DNAJB6: variants seen among roughly 807,000 people sequenced by gnomAD.
DNAJB6 encodes dnaJ homolog subfamily B member 6.
DNAJB6 carries 16 observed loss-of-function variants against 42.7 expected under a neutral mutation model. The observed-to-expected ratio is 0.37, with a 90% confidence interval of 0.25 to 0.57. The LOEUF (loss-of-function observed/expected upper bound fraction) is 0.57. Among genes scored for constraint, DNAJB6 ranks in the 20% least tolerant of loss-of-function variants. The pLI is 0.74. For missense variants in DNAJB6, 347 were observed against 416.8 expected (o/e 0.83, Z 1.46); for synonymous variants, 170 against 163.5 (o/e 1.04, Z -0.30).
At chr7:157,350,327 A>G (rs1798903636) in intron 1 of DNAJB6, among the ~76,000 whole-genome samples, 1 of 152,224 alleles carries the variant, frequency 6.6e-6, no homozygotes, top group African/African-American at 2.4e-5. Flanking sequence ...CTAGAGACAG[A>G]AAAACTTGCC....
chr7:157,340,858 G>A (rs1798324382), intron 1 of DNAJB6, among the ~76,000 whole-genome samples: 1 of 152,028 alleles, frequency 6.6e-6, no homozygotes, highest in South Asian at 2.1e-4. Flanking sequence ...TAGTAGAGAC[G>A]GTTTCACCAT....
intron 1 of DNAJB6, among the ~76,000 whole-genome samples, chr7:157,354,733 G>T (rs1438299196): frequency 6.6e-6 from 1 of 152,192 alleles, no homozygotes; most frequent in African/African-American, 2.4e-5. Flanking sequence ...AATGATGCTG[G>T]TGAAGATAAA....
intron 5 of DNAJB6, among the ~76,000 whole-genome samples, chr7:157,368,242 T>C (rs1034199507): frequency 4.6e-5 from 7 of 152,224 alleles, no homozygotes; most frequent in African/African-American, 1.7e-4. Context: ...TGTATGGCCT[T>C]AATTAACTTG....
chr7:157,415,914 CT>C, intron 9 of DNAJB6, 101 bp from the exon 10 acceptor site: 2 of 1,592,088 alleles, frequency 1.3e-6, no homozygotes, highest in Non-Finnish European at 1.7e-6. Flanking sequence ...CATTTTGTTG[CT>C]TTTTGTTCTT....
At chr7:157,401,399 G>A (rs1795513531) in intron 8 of DNAJB6, among the ~76,000 whole-genome samples, 1 of 152,054 alleles carries the variant, frequency 6.6e-6, no homozygotes. Flanking sequence ...ATTTTTAGTA[G>A]AGACGGGGTT....
intron 8 of DNAJB6, among the ~76,000 whole-genome samples, chr7:157,388,666 C>T (rs1301237409): frequency 1.3e-5 from 2 of 150,856 alleles, no homozygotes; most frequent in Admixed American, 6.6e-5. Flanking sequence ...TTTTTGGTGA[C>T]GTAGATGCAT....
chr7:157,401,312 G>A (rs1563148580), intron 8 of DNAJB6, among the ~76,000 whole-genome samples: 1 of 152,086 alleles, frequency 6.6e-6, no homozygotes, highest in African/African-American at 2.4e-5. Context: ...TCCACCTCCT[G>A]GGTTCAAGCA....
intron 5 of DNAJB6, chr7:157,378,280 T>C (rs1800572729): frequency 6.6e-6 from 1 of 152,238 alleles, no homozygotes; most frequent in South Asian, 2.1e-4. Flanking sequence ...GCACATTTGA[T>C]TAACACGTGT....
chr7:157,382,510 C>CT, intron 6 of DNAJB6, 133 bp downstream of exon 6: 6 of 988,440 alleles, frequency 6.1e-6, no homozygotes, highest in Middle Eastern at 3.5e-4. Flanking sequence ...GATTTGCCAG[C>CT]TTTTTTTGGT....
rs1371275919 is a variant in DNAJB6 at position 157,357,292 on chromosome 7, T to TTCCTTCCG, written c.-26-1248_-26-1247insGTCCTTCC. ...CTTCCTTCCGTCCTTCCTTCCGTCC[T>TTCCTTCCG]TCCTTCCTTCCTTCCTTCCTTCCTT... On this transcript the variant is annotated intron_variant, in intron 1 of 9. Coordinates refer to ENST00000262177, the MANE Select transcript of DNAJB6 (RefSeq NM_058246.4). Among the ~76,000 whole-genome samples, 436 of 58,534 alleles carry TTCCTTCCG rather than the reference T, an allele frequency of 7.4e-3. 20 individuals carry two copies. The highest frequency in any genetic ancestry group is 0.058 in the African/African-American group (425 of 7,276). The allele number at this position is 58,534 out of a possible 152,430, so 38.4% of individuals were successfully genotyped here. A position where few individuals can be genotyped will look rare whatever the true frequency, so the allele number is the denominator to read the frequency against.
At chr7:157,384,390 C>A (rs1203945151) in intron 6 of DNAJB6, among the ~76,000 whole-genome samples, 1 of 152,160 alleles carries the variant, frequency 6.6e-6, no homozygotes, top group East Asian at 1.9e-4. Flanking sequence ...TCACTCTGTT[C>A]CTGTGGGGTA....
intron 8 of DNAJB6, among the ~76,000 whole-genome samples, chr7:157,389,949 G>C (rs976839319): frequency 6.6e-6 from 1 of 152,236 alleles, no homozygotes; most frequent in East Asian, 1.9e-4. Context: ...GCAGACCCCT[G>C]ACTGCGCTTT....
chr7:157,403,677 C>T (rs1005763745), intron 8 of DNAJB6, among the ~76,000 whole-genome samples: 29 of 152,092 alleles, frequency 1.9e-4, no homozygotes, highest in Non-Finnish European at 3.5e-4. Flanking sequence ...GGCAGGTGTG[C>T]CCGATGCAGT....
At chr7:157,355,200 T>A (rs572364675) in intron 1 of DNAJB6, among the ~76,000 whole-genome samples, 34 of 152,200 alleles carry the variant, frequency 2.2e-4, no homozygotes, top group Non-Finnish European at 4.0e-4. Context: ...GTCGTCCAGG[T>A]TGGAGTGCAG....
chr7:157,407,498 C>T (rs984552256), intron 8 of DNAJB6, among the ~76,000 whole-genome samples: 1 of 152,232 alleles, frequency 6.6e-6, no homozygotes, highest in African/African-American at 2.4e-5. Context: ...TGCAATCCTC[C>T]TGGAGGCAGG....
chr7:157,385,075 C>T (rs1432040637), intron 7 of DNAJB6, 67 bp downstream of exon 7: 4 of 1,521,706 alleles, frequency 2.6e-6, no homozygotes, highest in African/African-American at 2.7e-5. Context: ...TGCCATGTTG[C>T]ACGTCTCCCA....
intron 8 of DNAJB6, among the ~76,000 whole-genome samples, chr7:157,389,695 G>A (rs780476332): frequency 2.0e-5 from 3 of 152,154 alleles, no homozygotes; most frequent in African/African-American, 4.8e-5. Flanking sequence ...ACGTTATTTC[G>A]TCTTCCTGTT....
intron 8 of DNAJB6, among the ~76,000 whole-genome samples, chr7:157,404,724 T>G (rs1795695050): frequency 6.6e-6 from 1 of 152,110 alleles, no homozygotes; most frequent in East Asian, 1.9e-4. Context: ...CAGGCTGGTC[T>G]CAAACTCCTG....
intron 9 of DNAJB6, chr7:157,412,234 A>G (rs1310964924): frequency 6.6e-6 from 1 of 152,198 alleles, no homozygotes; most frequent in Non-Finnish European, 1.5e-5. Context: ...ATTGCAAAGC[A>G]GGGTGGTTTT....
Sources: gnomAD v4.1 joint callset for allele counts (sites outside exome capture counted in the v4.1 genomes callset) on GRCh38, gnomAD v4.1.1 for gene constraint, MANE v1.5 for transcripts, NCBI Gene and HGNC (gene_info 2026-07-23, HGNC 2026-07-21) for gene names.